WDR88: variants seen among roughly 807,000 people sequenced by gnomAD.
The protein encoded by WDR88 is WD repeat-containing protein 88.
A neutral mutation model predicts 46.8 loss-of-function variants in WDR88; 40 were observed. That is an observed-to-expected ratio of 0.86 (90% CI 0.66 to 1.11). The LOEUF is 1.11. WDR88 is among the 50% of genes most tolerant of loss of function. WDR88 has a pLI of 0.00. For synonymous variants in WDR88, 235 were observed against 240.7 expected (o/e 0.98, Z 0.22); for missense variants, 562 against 602.4 (o/e 0.93, Z 0.70).
chr19:33,142,787 C>T (rs967617486), intron 2 of WDR88: 1 of 132,140 alleles, frequency 7.6e-6, no homozygotes, highest in East Asian at 2.3e-4. Context: ...GTGGGTGGAT[C>T]ACGAGGTCAG....
intron 9 of WDR88, 130 bp from the exon 10 acceptor site, chr19:33,172,218 C>T: frequency 1.4e-6 from 1 of 728,202 alleles, no homozygotes; most frequent in South Asian, 1.8e-5. Context: ...TATGGCATAA[C>T]AATGTGCATT....
Position 33,148,761 on chromosome 19 carries a change from G to T in WDR88, c.541-11G>T, listed in dbSNP as rs2145385441. ...GCTTAAAACAACCTTTTGATTGCTG[G>T]CTCATTTCAGTGGAAGGTCAGGTAT... On this transcript the variant is annotated splice_polypyrimidine_tract_variant and intron_variant, in intron 4 of 10. Transcript: ENST00000355868. 1 of 1,613,988 alleles carries T rather than the reference G, an allele frequency of 6.2e-7. No individual in the cohort carries two copies. Among genetic ancestry groups the T allele is most frequent in the East Asian group, 2.2e-5 (1 of 44,860 alleles).
Position 33,149,035 on chromosome 19 carries a change from G to A in WDR88, c.679+125G>A, listed in dbSNP as rs758108113. On this transcript the variant is annotated intron_variant, in intron 5 of 10. Coordinates refer to ENST00000355868, the MANE Select transcript of WDR88 (RefSeq NM_173479.4). ...TAATGGTATGAAGCACGTCATTAAA[G>A]CTGGGACACTAGGCTAGGTGCGGTG... 193 of 1,431,220 alleles carry A rather than the reference G, an allele frequency of 1.3e-4. No homozygotes were observed. The Middle Eastern group carries it at 1.5e-3, about 11-fold the overall frequency. 88.7% of individuals were successfully genotyped at this position (1,431,220 alleles called of 1,614,324 possible). A position where few individuals can be genotyped will look rare whatever the true frequency, so the allele number is the denominator to read the frequency against.
At chr19:33,170,695 T>G (rs920420883) in intron 9 of WDR88, among the ~76,000 whole-genome samples, 1 of 152,094 alleles carries the variant, frequency 6.6e-6, no homozygotes, top group African/African-American at 2.4e-5. Context: ...ACCCCATCTC[T>G]ACTAAAAATA....
chr19:33,169,719 T>C (rs527257661), intron 9 of WDR88, among the ~76,000 whole-genome samples: 2 of 152,056 alleles, frequency 1.3e-5, no homozygotes, highest in African/African-American at 2.4e-5. Flanking sequence ...AACAGGTTTT[T>C]TGATTTGTAG....
intron 6 of WDR88, among the ~76,000 whole-genome samples, chr19:33,151,942 A>C (rs1441314485): frequency 6.6e-6 from 1 of 151,210 alleles, no homozygotes; most frequent in African/African-American, 2.4e-5. Context: ...CATTTAAAAA[A>C]ATTTTGGGGC....
chr19:33,145,043 C>T, intron 3 of WDR88, 111 bp downstream of exon 3: 1 of 1,011,336 alleles, frequency 9.9e-7, no homozygotes, highest in Non-Finnish European at 1.5e-6. Context: ...TATGGGGTCT[C>T]ACCATGTGGC....
At chr19:33,133,951 G>A (rs773721989) in intron 1 of WDR88, among the ~76,000 whole-genome samples, 17 of 152,248 alleles carry the variant, frequency 1.1e-4, no homozygotes, top group Non-Finnish European at 2.1e-4. Flanking sequence ...CTGGCCCCTC[G>A]AGGTTAGGGA....
chr19:33,174,658 G>A (rs1974094396), intron 10 of WDR88: 1 of 985,408 alleles, frequency 1.0e-6, no homozygotes, highest in Non-Finnish European at 1.2e-6. Flanking sequence ...GCGTCTCATG[G>A]TTCTGTAAAA....
chr19:33,168,359 G>A (rs547811945), intron 9 of WDR88, among the ~76,000 whole-genome samples: 5 of 152,108 alleles, frequency 3.3e-5, no homozygotes, highest in South Asian at 2.1e-4. Context: ...TGGCATGATC[G>A]TAAATATAGA....
chr19:33,146,289 C>T (rs1973512525), intron 3 of WDR88, among the ~76,000 whole-genome samples: 2 of 151,888 alleles, frequency 1.3e-5, no homozygotes, highest in Non-Finnish European at 2.9e-5. Flanking sequence ...AGTGAAACTC[C>T]GTCTTAAAAG....
chr19:33,172,213 C>T, intron 9 of WDR88, 135 bp from the exon 10 acceptor site: 1 of 706,820 alleles, frequency 1.4e-6, no homozygotes, highest in Non-Finnish European at 2.4e-6. Flanking sequence ...GCTTCTATGG[C>T]ATAACAATGT....
Position 33,148,789 on chromosome 19 carries a change from T to C in WDR88, c.558T>C (p.Asp186=). 2 of 1,614,170 alleles carry C rather than the reference T, an allele frequency of 1.2e-6. No individual in the cohort carries two copies. Among genetic ancestry groups the C allele is most frequent in the Admixed American group, 3.3e-5 (2 of 60,010 alleles). Residue 186 remains aspartate (D), a synonymous_variant, in exon 5 of 11, where the codon GAT becomes GAC. Coordinates refer to ENST00000355868, the MANE Select transcript of WDR88 (RefSeq NM_173479.4). The part of the protein sequence containing the change: ...TGKLLWKVRY[D]TFIVSCKFSP... The stretch of plus-strand genomic sequence containing the variant: ...CATTTCAGTGGAAGGTCAGGTATGA[T>C]ACCTTCATCGTCTCCTGTAAGTTTT...
chr19:33,152,480 C>G lies in WDR88; in HGVS notation c.809+1170C>G, dbSNP rs182528764. ...TTCTGTCTCTATGAATCTGCCTATT[C>G]TAGATATTTCATATAAGTAGAGTCA... is the stretch of plus-strand genomic sequence containing the variant. On this transcript the variant is annotated intron_variant, in intron 6 of 10. Transcript: ENST00000355868. Among the ~76,000 whole-genome samples, 524 of 152,186 alleles carry G rather than the reference C, an allele frequency of 3.4e-3. 2 individuals are homozygous for G. In the Middle Eastern group the frequency reaches 0.041, roughly 12 times the overall value.
intron 6 of WDR88, among the ~76,000 whole-genome samples, chr19:33,155,580 G>C (rs982921513): frequency 6.6e-6 from 1 of 152,168 alleles, no homozygotes; most frequent in Non-Finnish European, 1.5e-5. Flanking sequence ...TAAGAGAGGG[G>C]TGGAACAGGG....
chr19:33,163,129 C>T (rs796855878), intron 8 of WDR88, among the ~76,000 whole-genome samples: 4 of 152,092 alleles, frequency 2.6e-5, no homozygotes, highest in South Asian at 2.1e-4. Context: ...GTCAGAAGAT[C>T]GAGACCATCC....
At chr19:33,155,389 C>T (rs1465415263) in intron 6 of WDR88, among the ~76,000 whole-genome samples, 1 of 152,208 alleles carries the variant, frequency 6.6e-6, no homozygotes, top group Non-Finnish European at 1.5e-5. Context: ...AATCCTTCCA[C>T]CTAGGCCTCC....
At chr19:33,154,431 G>C (rs183886179) in intron 6 of WDR88, among the ~76,000 whole-genome samples, 2 of 152,026 alleles carry the variant, frequency 1.3e-5, no homozygotes, top group Admixed American at 1.3e-4. Context: ...GTGTCTATGT[G>C]TTCTCACTGT....
chr19:33,133,747 C>T (rs1239616502), intron 1 of WDR88, among the ~76,000 whole-genome samples: 1 of 152,228 alleles, frequency 6.6e-6, no homozygotes, highest in Admixed American at 6.5e-5. Context: ...TCCCCCATCC[C>T]CCTGTCTTGC....
Sources: gnomAD v4.1 joint callset for allele counts (sites outside exome capture counted in the v4.1 genomes callset) on GRCh38, gnomAD v4.1.1 for gene constraint, MANE v1.5 for transcripts, NCBI Gene and HGNC (gene_info 2026-07-23, HGNC 2026-07-21) for gene names.